Variants in KCNJ6 observed in about 807,000 individuals in gnomAD.
KCNJ6 encodes the protein G protein-activated inward rectifier potassium channel 2.
A neutral mutation model predicts 34.2 loss-of-function variants in KCNJ6; 9 were observed. The observed-to-expected ratio is 0.26, with a 90% CI of 0.16 to 0.46. KCNJ6 has a LOEUF of 0.46. KCNJ6 is among the 20% of genes least tolerant of loss of function. The pLI is 1.00. For missense variants in KCNJ6, 236 were observed against 531.3 expected, an observed-to-expected ratio of 0.44 and a Z score of 5.46; for synonymous variants, 196 against 207.1, an observed-to-expected ratio of 0.95 and a Z score of 0.46.
chr21:37,785,343 C>T (rs1168857164), intron 2 of KCNJ6, among the ~76,000 whole-genome samples: 1 of 152,176 alleles, frequency 6.6e-6, no homozygotes, highest in African/African-American at 2.4e-5. Flanking sequence ...AGATTTTAGA[C>T]AAGCACTGCT....
At position 37,759,040 on chromosome 21, in the gene KCNJ6, C is replaced by T. The variant is rs138057110; in HGVS notation, c.26-43909G>A. 3.5e-3 allele frequency among the ~76,000 whole-genome samples: 533 copies of T among 152,348 alleles called. 2 individuals are homozygous for T. The highest frequency in any genetic ancestry group is 6.8e-3 in the Middle Eastern group (2 of 292). ...CTCAGTCTGACCCCCAAGGCCATTG[C>T]TTTTAAGTCCTCCTCTTGACAGCCT... On this transcript the variant is annotated intron_variant, in intron 2 of 3. Coordinates refer to ENST00000609713, the MANE Select transcript of KCNJ6 (RefSeq NM_002240.5).
At chr21:37,686,824 G>A (rs1011427828) in intron 3 of KCNJ6, among the ~76,000 whole-genome samples, 1 of 151,938 alleles carries the variant, frequency 6.6e-6, no homozygotes, top group Admixed American at 6.6e-5. Flanking sequence ...CATTTATTTG[G>A]TCATGGCCTC....
chr21:37,657,011 GC>G lies in KCNJ6; in HGVS notation c.947-31528del, dbSNP rs369250455. On this transcript the variant is annotated intron_variant, in intron 3 of 3. Transcript: ENST00000609713. ...TCTGCCATTGGAGGTCCTAGAAGAT[GC>G]AGAGAGGTTGCTTCTTGGAGAGGAG... Among the ~76,000 whole-genome samples, 742 of 152,312 alleles carry G rather than the reference GC, an allele frequency of 4.9e-3. 9 individuals carry two copies. The highest frequency in any genetic ancestry group is 0.037 in the South Asian group (178 of 4,826).
At chr21:37,764,542 C>T (rs534346687) in intron 2 of KCNJ6, among the ~76,000 whole-genome samples, 1 of 152,212 alleles carries the variant, frequency 6.6e-6, no homozygotes, top group East Asian at 1.9e-4. Context: ...CCATGCCTAG[C>T]TAATTTTTGT....
chr21:37,663,602 T>C (rs551678005), intron 3 of KCNJ6, among the ~76,000 whole-genome samples: 33 of 152,302 alleles, frequency 2.2e-4, no homozygotes, highest in South Asian at 1.7e-3. Flanking sequence ...ATAGCTATAC[T>C]AATATGGGAC....
chr21:37,711,702 G>A (rs2054753061), intron 3 of KCNJ6, among the ~76,000 whole-genome samples: 1 of 152,098 alleles, frequency 6.6e-6, no homozygotes, highest in South Asian at 2.1e-4. Context: ...TGAAGCGTAA[G>A]AGAGCAGCTG....
intron 3 of KCNJ6, among the ~76,000 whole-genome samples, chr21:37,684,534 T>C (rs1349647209): frequency 6.6e-6 from 1 of 152,208 alleles, no homozygotes; most frequent in African/African-American, 2.4e-5. Flanking sequence ...AATTGTGAAG[T>C]GTTATGTTAG....
chr21:37,853,338 A>G (rs1247358418), intron 1 of KCNJ6, among the ~76,000 whole-genome samples: 1 of 152,102 alleles, frequency 6.6e-6, no homozygotes, highest in African/African-American at 2.4e-5. Flanking sequence ...GAGGTTTTCT[A>G]CTTAGAAACT....
chr21:37,784,357 G>T (rs2055183347), intron 2 of KCNJ6, among the ~76,000 whole-genome samples: 1 of 152,192 alleles, frequency 6.6e-6, no homozygotes, highest in African/African-American at 2.4e-5. Context: ...TTGTCCAAAG[G>T]CCTTTCCCTG....
At chr21:37,881,855 G>A (rs1038460502) in intron 1 of KCNJ6, among the ~76,000 whole-genome samples, 4 of 152,170 alleles carry the variant, frequency 2.6e-5, no homozygotes, top group Non-Finnish European at 4.4e-5. Context: ...ACAGCAGTCT[G>A]TAGACAAAAG....
At chr21:37,774,611 G>A (rs1181929380) in intron 2 of KCNJ6, among the ~76,000 whole-genome samples, 9 of 126,874 alleles carry the variant, frequency 7.1e-5, no homozygotes, top group African/African-American at 2.2e-4. Flanking sequence ...TTTGCTTTTT[G>A]TCCTTGCCAT....
chr21:37,889,100 T>A (rs2055749472), intron 1 of KCNJ6, among the ~76,000 whole-genome samples: 1 of 152,176 alleles, frequency 6.6e-6, no homozygotes, highest in Admixed American at 6.5e-5. Flanking sequence ...CCTTGACCTG[T>A]GTGGGTGGTG....
rs1315206429 is a variant in KCNJ6 at position 37,621,087 on chromosome 21, T to C, written c.*4072A>G. 2 of 152,216 alleles carry C rather than the reference T, an allele frequency of 1.3e-5. No individual in the cohort carries two copies. The highest frequency in any genetic ancestry group is 6.5e-5 in the Admixed American group (1 of 15,280). The allele number at this position is 152,216 out of a possible 1,614,324, so 9.4% of individuals were successfully genotyped here. A position where few individuals can be genotyped will look rare whatever the true frequency, so the allele number is the denominator to read the frequency against. On this transcript the variant is annotated 3_prime_UTR_variant, in exon 4 of 4. Transcript: ENST00000609713. ...TGTATATGTTACCTATGTTTTTCAA[T>C]GTTAAAGCCATCCATTGAAAGGAAA...
At chr21:37,822,562 G>T (rs905931201) in intron 2 of KCNJ6, among the ~76,000 whole-genome samples, 1 of 152,188 alleles carries the variant, frequency 6.6e-6, no homozygotes, top group African/African-American at 2.4e-5. Flanking sequence ...CGCCTTCTGT[G>T]TTCCTACTCA....
chr21:37,877,525 G>A (rs1290835822), intron 1 of KCNJ6, among the ~76,000 whole-genome samples: 1 of 152,106 alleles, frequency 6.6e-6, no homozygotes, highest in African/African-American at 2.4e-5. Flanking sequence ...CAAATAAAAG[G>A]AAAAGAGCTG....
chr21:37,744,767 A>G (rs2123478646), intron 2 of KCNJ6, among the ~76,000 whole-genome samples: 1 of 152,308 alleles, frequency 6.6e-6, no homozygotes, highest in Middle Eastern at 3.4e-3. Context: ...GGAAGGCAAC[A>G]GTGGGGGGTG....
Position 37,617,165 on chromosome 21 carries a change from C to A in KCNJ6, c.*7994G>T, listed in dbSNP as rs1439620741. 9.7e-6 allele frequency: 1 copy of A among 103,208 alleles called. No homozygotes were observed. Among genetic ancestry groups the A allele is most frequent in the East Asian group, 2.8e-4 (1 of 3,604 alleles). The allele number at this position is 103,208 out of a possible 1,614,324, so 6.4% of individuals were successfully genotyped here. ...CTTCCTTCCTTCCTTCTTTCTTTAT[C>A]TTTTTTCCTTCCTTCCTTCCTTCCT... On this transcript the variant is annotated 3_prime_UTR_variant, in exon 4 of 4. Coordinates refer to ENST00000609713, the MANE Select transcript of KCNJ6 (RefSeq NM_002240.5).
chr21:37,803,502 G>C (rs1040932377), intron 2 of KCNJ6, among the ~76,000 whole-genome samples: 2 of 152,156 alleles, frequency 1.3e-5, no homozygotes, highest in Non-Finnish European at 2.9e-5. Context: ...CATAATTCCT[G>C]ACACTCTAAT....
chr21:37,674,968 G>A (rs575366016), intron 3 of KCNJ6, among the ~76,000 whole-genome samples: 7 of 152,254 alleles, frequency 4.6e-5, no homozygotes, highest in Admixed American at 2.0e-4. Flanking sequence ...CTAAGGAGAG[G>A]TAAGGGCTGC....
Sources: gnomAD v4.1 joint callset for allele counts (sites outside exome capture counted in the v4.1 genomes callset) on GRCh38, gnomAD v4.1.1 for gene constraint, MANE v1.5 for transcripts, NCBI Gene and HGNC (gene_info 2026-07-23, HGNC 2026-07-21) for gene names.